FAT3: variants seen among roughly 807,000 people sequenced by gnomAD.
The protein encoded by FAT3 is FAT atypical cadherin 3.
FAT3 carries 95 observed loss-of-function variants against 310.2 expected under a neutral mutation model. The observed-to-expected ratio is 0.31, with a 90% CI of 0.26 to 0.36. The LOEUF (loss-of-function observed/expected upper bound fraction) is 0.36, where lower values mean the gene tolerates loss of function less well. FAT3 is among the 10% of genes least tolerant of loss of function. FAT3 has a pLI of 1.00. For synonymous variants in FAT3, 2,314 were observed against 2,192.9 expected, an observed-to-expected ratio of 1.06 and a Z score of -1.54; for missense variants, 5,408 against 5,715.6, an observed-to-expected ratio of 0.95 and a Z score of 1.74.
chr11:92,485,319 C>T (rs187989787), intron 2 of FAT3, among the ~76,000 whole-genome samples: 12 of 152,250 alleles, frequency 7.9e-5, no homozygotes, highest in South Asian at 2.1e-4. Context: ...ATGTGCCCTC[C>T]GCCTCATTTG....
intron 2 of FAT3, among the ~76,000 whole-genome samples, chr11:92,480,331 G>A (rs114937722): frequency 1.8e-3 from 277 of 152,286 alleles, no homozygotes; most frequent in African/African-American, 6.3e-3. Context: ...TTCAAAGACA[G>A]TATATTTTGG....
At chr11:92,337,614 T>G (rs1565236318) in intron 1 of FAT3, among the ~76,000 whole-genome samples, 1 of 152,220 alleles carries the variant, frequency 6.6e-6, no homozygotes, top group Non-Finnish European at 1.5e-5. Context: ...GTATTTTTAG[T>G]AGAGACAGGG....
At chr11:92,855,164 T>C (rs955375960) in intron 19 of FAT3, among the ~76,000 whole-genome samples, 1 of 152,224 alleles carries the variant, frequency 6.6e-6, no homozygotes, top group African/African-American at 2.4e-5. Context: ...GAGACTGAGA[T>C]GAAGTCACAT....
chr11:92,878,275 C>A (rs1949579545), intron 22 of FAT3, among the ~76,000 whole-genome samples: 1 of 151,968 alleles, frequency 6.6e-6, no homozygotes, highest in Non-Finnish European at 1.5e-5. Context: ...AATAATGAGG[C>A]CCACCCATAT....
chr11:92,557,602 A>G (rs923166928), intron 3 of FAT3, among the ~76,000 whole-genome samples: 2 of 152,170 alleles, frequency 1.3e-5, no homozygotes, highest in Admixed American at 1.3e-4. Context: ...TCCATTCTTG[A>G]TAAATTCTGT....
At chr11:92,517,547 C>T (rs1953528435) in intron 2 of FAT3, among the ~76,000 whole-genome samples, 1 of 152,114 alleles carries the variant, frequency 6.6e-6, no homozygotes, top group Admixed American at 6.6e-5. Flanking sequence ...CAATACCATT[C>T]AGGACATAGG....
rs1463367509 is a variant in FAT3 at position 92,353,128 on chromosome 11, A to C, written c.1016A>C (p.Tyr339Ser). 1.2e-6 allele frequency: 2 copies of C among 1,613,684 alleles called. No homozygotes were observed. The highest frequency in any genetic ancestry group is 1.3e-5 in the African/African-American group (1 of 75,030). ...CAGATTGACTGGGAGAGCTTTCCCT[A>C]TGGCTACAATCTCACTCTTCAAGCA... is the stretch of plus-strand genomic sequence containing the variant. Reference protein sequence around the residue: ...RKQIDWESFPYGYNLTLQAKD... With the variant: ...RKQIDWESFPSGYNLTLQAKD... Residue 339 changes from tyrosine (Y) to serine (S), a missense_variant, in exon 2 of 28, where the codon TAT becomes TCT. Physicochemically the swap from Tyr to Ser is moderately radical, Grantham distance 144. Coordinates refer to ENST00000525166, the MANE Select transcript of FAT3 (RefSeq NM_001367949.2).
chr11:92,435,494 C>CCTTCCTTT (rs1290722702), intron 2 of FAT3, among the ~76,000 whole-genome samples: 1 of 148,156 alleles, frequency 6.7e-6, no homozygotes, highest in African/African-American at 2.5e-5. Flanking sequence ...TTCCTTCCTT[C>CCTTCCTTT]CTTCCTTCCT....
At chr11:92,687,260 C>T (rs1943660730) in intron 3 of FAT3, among the ~76,000 whole-genome samples, 1 of 152,146 alleles carries the variant, frequency 6.6e-6, no homozygotes, top group Non-Finnish European at 1.5e-5. Flanking sequence ...GTATTGTCCC[C>T]ATTTCAGAGA....
At chr11:92,249,736 C>T (rs1865064714) in intron 1 of FAT3, among the ~76,000 whole-genome samples, 1 of 152,052 alleles carries the variant, frequency 6.6e-6, no homozygotes, top group South Asian at 2.1e-4. Context: ...ACAGTGCAAA[C>T]ACCTTATAAA....
intron 1 of FAT3, among the ~76,000 whole-genome samples, chr11:92,296,793 C>T (rs956918469): frequency 2.0e-5 from 3 of 152,082 alleles, no homozygotes; most frequent in Non-Finnish European, 2.9e-5. Flanking sequence ...ATTGCGCATG[C>T]TGCCTTAAAT....
chr11:92,775,172 A>G (rs1227526941), intron 7 of FAT3, among the ~76,000 whole-genome samples: 1 of 152,128 alleles, frequency 6.6e-6, no homozygotes, highest in African/African-American at 2.4e-5. Context: ...GTGTTTCTGA[A>G]CACAGTGCTT....
intron 3 of FAT3, among the ~76,000 whole-genome samples, chr11:92,526,757 A>T (rs1467512960): frequency 3.3e-5 from 5 of 152,224 alleles, no homozygotes; most frequent in African/African-American, 1.2e-4. Context: ...ATCCTTAAGC[A>T]TGTTCATAAT....
Position 92,697,420 on chromosome 11 carries a change from A to C in FAT3, c.3644A>C (p.Glu1215Ala). ...ITTTSRKLDR[E>A]QQAEHFLEVT... Reference sequence around the variant, plus strand: ...ACAACTTCAAGGAAATTGGATCGAGAACAGCAGGCAGAACATTTTCTGGAG... The same window carrying C: ...ACAACTTCAAGGAAATTGGATCGAGCACAGCAGGCAGAACATTTTCTGGAG... Residue 1215 changes from glutamate (E) to alanine (A), a missense_variant, in exon 4 of 28, where the codon GAA (glutamate) becomes GCA (alanine). This residue lies in a region of FAT3 where 4,588 missense variants were observed against 4,809.8 expected (regional missense o/e 0.95). Transcript: ENST00000525166. The C allele has an allele frequency of 1.2e-6, 2 of 1,613,902 alleles. No homozygotes were observed. The highest frequency in any genetic ancestry group is 8.5e-7 in the Non-Finnish European group (1 of 1,179,820).
chr11:92,626,463 G>A (rs1033457086), intron 3 of FAT3, among the ~76,000 whole-genome samples: 2 of 150,718 alleles, frequency 1.3e-5, no homozygotes, highest in Non-Finnish European at 3.0e-5. Flanking sequence ...AATTGGCGTA[G>A]CGTATCTCTT....
chr11:92,317,997 C>T (rs1947510700), intron 1 of FAT3, among the ~76,000 whole-genome samples: 1 of 152,142 alleles, frequency 6.6e-6, no homozygotes, highest in African/African-American at 2.4e-5. Flanking sequence ...TTTTCTTTAG[C>T]AGAAATCATA....
chr11:92,465,143 A>T (rs1951729185), intron 2 of FAT3, among the ~76,000 whole-genome samples: 1 of 152,134 alleles, frequency 6.6e-6, no homozygotes, highest in African/African-American at 2.4e-5. Flanking sequence ...CAAGGAAAAA[A>T]ATTTGCAGTA....
At chr11:92,226,507 G>A (rs1863913820) in intron 1 of FAT3, among the ~76,000 whole-genome samples, 1 of 152,030 alleles carries the variant, frequency 6.6e-6, no homozygotes, top group Non-Finnish European at 1.5e-5. Flanking sequence ...GAGGAACAGG[G>A]GTGCTCCCGG....
At chr11:92,323,652 A>T (rs1008500009) in intron 1 of FAT3, among the ~76,000 whole-genome samples, 1 of 148,872 alleles carries the variant, frequency 6.7e-6, no homozygotes, top group Admixed American at 6.7e-5. Context: ...AAACTATGCT[A>T]TAAACAGATG....
Sources: allele counts gnomAD v4.1 joint callset (sites outside exome capture counted in the v4.1 genomes callset), GRCh38; gene constraint gnomAD v4.1.1; regional missense constraint gnomAD v4.1.1; transcripts MANE v1.5; gene names NCBI Gene and HGNC (gene_info 2026-07-23, HGNC 2026-07-21).